The following PTPRT variants were observed in gnomAD, a reference collection of about 807,000 sequenced individuals.
PTPRT encodes the protein protein tyrosine phosphatase receptor type T, also known as receptor-type tyrosine-protein phosphatase T.
A neutral mutation model predicts 176.8 loss-of-function variants in PTPRT; 56 were observed. The observed-to-expected ratio is 0.32, with a 90% CI of 0.26 to 0.40. The LOEUF is 0.40. PTPRT is among the 10% of genes least tolerant of loss of function. PTPRT has a pLI of 1.00. For synonymous variants in PTPRT, 783 were observed against 739.0 expected, an observed-to-expected ratio of 1.06 and a Z score of -0.96; for missense variants, 1,540 against 1,908.2, an observed-to-expected ratio of 0.81 and a Z score of 3.60.
chr20:42,580,891 T>C (rs2073359017), intron 7 of PTPRT, among the ~76,000 whole-genome samples: 1 of 152,158 alleles, frequency 6.6e-6, no homozygotes, highest in Non-Finnish European at 1.5e-5. Context: ...TTGAATACCC[T>C]TTATTTCCTT....
intron 7 of PTPRT, among the ~76,000 whole-genome samples, chr20:42,475,497 T>C (rs932040282): frequency 1.3e-5 from 2 of 151,964 alleles, no homozygotes; most frequent in African/African-American, 4.8e-5. Context: ...TCTGCCAGAG[T>C]AGAAAACCTG....
downstream of PTPRT, among the ~76,000 whole-genome samples, chr20:42,069,896 TTCAGTTTGTGAGTA>T (rs1363868444): frequency 1.3e-5 from 2 of 152,294 alleles, no homozygotes; most frequent in South Asian, 4.2e-4. Flanking sequence ...TCTCCAGTTG[TTCAGTTTGTGAGTA>T]TCATCTCCCT....
chr20:42,211,050 A>T (rs981715276), intron 15 of PTPRT, among the ~76,000 whole-genome samples: 12 of 152,284 alleles, frequency 7.9e-5, no homozygotes, highest in African/African-American at 2.6e-4. Flanking sequence ...TGGGGAAAGG[A>T]TTCCCTCTCT....
intron 16 of PTPRT, among the ~76,000 whole-genome samples, chr20:42,165,480 A>T (rs1989786511): frequency 2.0e-5 from 3 of 152,184 alleles, no homozygotes; most frequent in Admixed American, 2.0e-4. Context: ...GGGGTTTGGC[A>T]ATCTGGAAAC....
chr20:43,059,151 A>T (rs1987356845), intron 1 of PTPRT, among the ~76,000 whole-genome samples: 1 of 152,220 alleles, frequency 6.6e-6, no homozygotes, highest in Non-Finnish European at 1.5e-5. Flanking sequence ...TGTCTTGGAG[A>T]ATAGCTCCTG....
chr20:42,925,903 A>G (rs1979452232), intron 1 of PTPRT, among the ~76,000 whole-genome samples: 3 of 152,218 alleles, frequency 2.0e-5, no homozygotes, highest in Admixed American at 2.0e-4. Flanking sequence ...CTGGTACTGC[A>G]CAGTCCCTTT....
intron 2 of PTPRT, among the ~76,000 whole-genome samples, chr20:42,879,791 C>T (rs1275583292): frequency 1.3e-5 from 2 of 151,844 alleles, no homozygotes; most frequent in African/African-American, 4.8e-5. Context: ...ATGTGTGTCA[C>T]CTGTGTGTGT....
chr20:42,845,865 T>C (rs1187855692), intron 2 of PTPRT, among the ~76,000 whole-genome samples: 1 of 152,152 alleles, frequency 6.6e-6, no homozygotes, highest in Non-Finnish European at 1.5e-5. Context: ...CTCCAGCTGG[T>C]CCAGGGCTCA....
chr20:42,082,044 A>C, intron 29 of PTPRT, 27 bp from the exon 30 acceptor site: 1 of 1,613,900 alleles, frequency 6.2e-7, no homozygotes, highest in Non-Finnish European at 8.5e-7. Flanking sequence ...GAGGTGAGCC[A>C]TGTTCCTAGG....
chr20:42,234,292 C>G (rs1276899503), intron 15 of PTPRT, among the ~76,000 whole-genome samples: 1 of 152,144 alleles, frequency 6.6e-6, no homozygotes, highest in Non-Finnish European at 1.5e-5. Context: ...GCACCATTAC[C>G]CTCATTTTAT....
In PTPRT at chr20:42,098,408, G is replaced by A; in HGVS notation, c.3846+13C>T. 2.5e-6 allele frequency: 4 copies of A among 1,613,756 alleles called. No individual in the cohort carries two copies. Among genetic ancestry groups the A allele is most frequent in the Non-Finnish European group, 2.5e-6 (3 of 1,179,894 alleles). ...CCCTGACCCACCTAGGGCTTGGCTT[G>A]GCCTCCTCCTACCTGGGCAGTGTCC... On this transcript the variant is annotated intron_variant, in intron 27 of 30. Coordinates refer to ENST00000373187, the MANE Select transcript of PTPRT (RefSeq NM_007050.6).
chr20:42,047,090 GT>G, the PTPRT span, among the ~76,000 whole-genome samples: 767 of 152,304 alleles, frequency 5.0e-3, 8 homozygotes, highest in South Asian at 0.018. Context: ...TGAAAACTTA[GT>G]GTGGACAAGT....
At chr20:42,667,151 C>T (rs2075330838) in intron 7 of PTPRT, among the ~76,000 whole-genome samples, 1 of 152,074 alleles carries the variant, frequency 6.6e-6, no homozygotes, top group African/African-American at 2.4e-5. Context: ...CAGTGTATTC[C>T]TGGAAAACAC....
chr20:43,032,473 T>C (rs970401634), intron 1 of PTPRT, among the ~76,000 whole-genome samples: 6 of 121,654 alleles, frequency 4.9e-5, no homozygotes, highest in African/African-American at 1.8e-4. Flanking sequence ...ATCTTTTCAT[T>C]AAAAAAAAAA....
At chr20:42,506,303 CT>C (rs1292276657) in intron 7 of PTPRT, among the ~76,000 whole-genome samples, 1 of 152,112 alleles carries the variant, frequency 6.6e-6, no homozygotes, top group Admixed American at 6.6e-5. Flanking sequence ...AATGAGTACA[CT>C]GGTGTGTGTG....
intron 11 of PTPRT, among the ~76,000 whole-genome samples, chr20:42,340,953 A>T (rs574972668): frequency 6.6e-6 from 1 of 152,182 alleles, no homozygotes; most frequent in South Asian, 2.1e-4. Context: ...TATTATAAGA[A>T]CTACATCTAC....
At chr20:42,599,551 C>T (rs1184688509) in intron 7 of PTPRT, among the ~76,000 whole-genome samples, 1 of 152,066 alleles carries the variant, frequency 6.6e-6, no homozygotes, top group East Asian at 1.9e-4. Flanking sequence ...CTAAGGAGCT[C>T]CAGGGTCTGC....
chr20:42,803,465 C>T (rs1380670746), intron 2 of PTPRT, among the ~76,000 whole-genome samples: 1 of 152,220 alleles, frequency 6.6e-6, no homozygotes, highest in Non-Finnish European at 1.5e-5. Flanking sequence ...ACTGGATGTT[C>T]CCTGCTTTTC....
chr20:42,043,490 ATGAGGGG>A, the PTPRT span, among the ~76,000 whole-genome samples: 1 of 152,248 alleles, frequency 6.6e-6, no homozygotes, highest in Admixed American at 6.5e-5. Flanking sequence ...AAGTATAGAG[ATGAGGGG>A]TGAGTTCTCC....
Sources: gnomAD v4.1 joint callset for allele counts (sites outside exome capture counted in the v4.1 genomes callset) on GRCh38, gnomAD v4.1.1 for gene constraint, MANE v1.5 for transcripts, NCBI Gene and HGNC (gene_info 2026-07-23, HGNC 2026-07-21) for gene names.